The following MDGA2 variants were observed in gnomAD, a reference collection of about 807,000 sequenced individuals.
MDGA2 encodes the protein MAM domain containing glycosylphosphatidylinositol anchor 2.
A neutral mutation model predicts 117.8 loss-of-function variants in MDGA2; 40 were observed. The ratio of observed to expected loss-of-function variants is 0.34; its 90% CI spans 0.26 to 0.44. The LOEUF (loss-of-function observed/expected upper bound fraction) is 0.44, where lower values mean the gene tolerates loss of function less well. MDGA2 is among the 20% of genes least tolerant of loss of function. The pLI is 1.00. For missense variants in MDGA2, 1,123 were observed against 1,250.6 expected (o/e 0.90, Z 1.54); for synonymous variants, 452 against 439.0 (o/e 1.03, Z -0.37).
At chr14:46,929,601 GTATATATATATA>G (rs756528353) in intron 9 of MDGA2, among the ~76,000 whole-genome samples, 190 of 12,682 alleles carry the variant, frequency 0.015, 4 homozygotes, top group East Asian at 0.12. Context: ...GTGTGTGTGT[GTATATATATATA>G]TATATATATA....
In MDGA2 at chr14:47,121,007, T is replaced by C. The variant is rs185391354; in HGVS notation, c.925+10707A>G. Among the ~76,000 whole-genome samples the C allele has an allele frequency of 2.0e-5, 3 of 152,182 alleles. No individual in the cohort carries two copies. The East Asian group carries it at 5.8e-4, about 29-fold the overall frequency. On this transcript the variant is annotated intron_variant, in intron 5 of 16. Coordinates refer to ENST00000399232, the MANE Select transcript of MDGA2 (RefSeq NM_001113498.3). ...ATGAGTGTAGCTAACATCAGAAAAA[T>C]GTTTTGAAAGCATAAATATTTTAGC...
intron 2 of MDGA2, among the ~76,000 whole-genome samples, chr14:47,269,846 C>A (rs1888088937): frequency 1.3e-5 from 2 of 152,080 alleles, no homozygotes; most frequent in South Asian, 4.1e-4. Context: ...TTCTTAGATT[C>A]TTTCAACATA....
intron 8 of MDGA2, among the ~76,000 whole-genome samples, chr14:47,028,692 G>A (rs1888559292): frequency 2.0e-5 from 3 of 152,248 alleles, no homozygotes; most frequent in African/African-American, 7.2e-5. Context: ...ATAAACAGAA[G>A]AGGAGCATAA....
chr14:47,640,515 G>T (rs1897404327), intron 1 of MDGA2, among the ~76,000 whole-genome samples: 1 of 151,946 alleles, frequency 6.6e-6, no homozygotes, highest in Non-Finnish European at 1.5e-5. Flanking sequence ...CTAAAAATTT[G>T]TGGAGGGATT....
rs192661719 is a variant in MDGA2, at chr14:47,161,255, C to T, written c.596-16981G>A. ...CCATTACTTTTTAAAAAAATAATTA[C>T]GGCATTTTGAGCTGATTTTCCATTG... On this transcript the variant is annotated intron_variant, in intron 3 of 16. Coordinates refer to ENST00000399232, the MANE Select transcript of MDGA2 (RefSeq NM_001113498.3). Among the ~76,000 whole-genome samples, 305 of 151,996 alleles carry T rather than the reference C, an allele frequency of 2.0e-3. 1 individual carries two copies. Among genetic ancestry groups the T allele is most frequent in the Middle Eastern group, 3.5e-3 (1 of 286 alleles).
In MDGA2 at chr14:46,959,273, G is replaced by A. The variant is rs1244911031; in HGVS notation, c.1820-1630C>T. ...TATATGTGTGTGTGTGTGTGTGTGTGTGTGTGTGTGTGTGTGTGTGTGTGT... is the reference window on the plus strand; with the variant it reads ...TATATGTGTGTGTGTGTGTGTGTGTATGTGTGTGTGTGTGTGTGTGTGTGT... On this transcript the variant is annotated intron_variant, in intron 8 of 16. Transcript: ENST00000399232. Among the ~76,000 whole-genome samples the A allele has an allele frequency of 9.9e-3, 1,408 of 141,622 alleles. 39 individuals carry two copies. Among genetic ancestry groups the A allele is most frequent in the African/African-American group, 0.038 (1,310 of 34,924 alleles). The allele number at this position is 141,622 out of a possible 152,430, so 92.9% of individuals were successfully genotyped here.
At chr14:47,358,677 G>A (rs1041671152) in intron 1 of MDGA2, among the ~76,000 whole-genome samples, 2 of 152,078 alleles carry the variant, frequency 1.3e-5, no homozygotes, top group African/African-American at 4.8e-5. Context: ...AAAGACTTAT[G>A]CAAAAAATAA....
At chr14:47,417,306 C>T (rs1461188777) in intron 1 of MDGA2, among the ~76,000 whole-genome samples, 1 of 152,200 alleles carries the variant, frequency 6.6e-6, no homozygotes, top group African/African-American at 2.4e-5. Context: ...TACTTTGTCA[C>T]TCACAAATTC....
At chr14:47,140,993 T>C (rs1882693598) in intron 4 of MDGA2, among the ~76,000 whole-genome samples, 2 of 151,854 alleles carry the variant, frequency 1.3e-5, no homozygotes, top group South Asian at 4.2e-4. Context: ...AAGATGTAAA[T>C]AGACATTACT....
chr14:47,097,906 T>C (rs1880069214), intron 5 of MDGA2, among the ~76,000 whole-genome samples: 1 of 152,010 alleles, frequency 6.6e-6, no homozygotes, highest in Non-Finnish European at 1.5e-5. Context: ...ATTCATTCAG[T>C]AGAAAAAGCT....
chr14:47,175,041 A>G (rs1238786335), intron 3 of MDGA2, among the ~76,000 whole-genome samples: 1 of 152,098 alleles, frequency 6.6e-6, no homozygotes, highest in African/African-American at 2.4e-5. Context: ...ATAAACTAGA[A>G]AATCTAGAAG....
At chr14:47,345,348 G>C (rs1354266137) in intron 1 of MDGA2, among the ~76,000 whole-genome samples, 1 of 151,990 alleles carries the variant, frequency 6.6e-6, no homozygotes, top group Non-Finnish European at 1.5e-5. Flanking sequence ...AGGAAGGTAA[G>C]AATTACAATC....
At chr14:47,125,676 T>G (rs1271462053) in intron 5 of MDGA2, among the ~76,000 whole-genome samples, 1 of 152,062 alleles carries the variant, frequency 6.6e-6, no homozygotes, top group East Asian at 1.9e-4. Context: ...CCAGTAATAC[T>G]TTTATGGCTT....
chr14:47,092,435 G>T (rs527659500), intron 6 of MDGA2, among the ~76,000 whole-genome samples: 1 of 152,198 alleles, frequency 6.6e-6, no homozygotes, highest in South Asian at 2.1e-4. Context: ...GAAATCTCAA[G>T]CCATGATTCT....
At chr14:47,018,738 A>G (rs1185452452) in intron 8 of MDGA2, among the ~76,000 whole-genome samples, 2 of 83,276 alleles carry the variant, frequency 2.4e-5, no homozygotes, top group East Asian at 9.6e-4. Context: ...TTACTGAAAA[A>G]AAAAAAAAAA....
intron 8 of MDGA2, among the ~76,000 whole-genome samples, chr14:46,981,171 A>AGGC (rs1555340286): frequency 6.6e-6 from 1 of 150,902 alleles, no homozygotes; most frequent in African/African-American, 2.4e-5. Flanking sequence ...TGGGAGGCCA[A>AGGC]GGGGGGGGCG....
At chr14:47,590,723 G>C (rs1183534512) in intron 1 of MDGA2, among the ~76,000 whole-genome samples, 2 of 151,844 alleles carry the variant, frequency 1.3e-5, no homozygotes, top group African/African-American at 2.4e-5. Flanking sequence ...TGTGATTATT[G>C]TACATTGTAT....
At chr14:47,209,698 A>G (rs1185942972) in intron 3 of MDGA2, among the ~76,000 whole-genome samples, 1 of 152,194 alleles carries the variant, frequency 6.6e-6, no homozygotes, top group Non-Finnish European at 1.5e-5. Context: ...GATTGGTTGT[A>G]TGTCCCACTT....
At chr14:47,198,054 A>AT (rs11429936) in intron 3 of MDGA2, among the ~76,000 whole-genome samples, 33,283 of 151,848 alleles carry the variant, frequency 0.22, 4,134 homozygotes, top group East Asian at 0.33. Context: ...TAAAAAATGT[A>AT]TTTTTTTTAC....
Sources: allele counts gnomAD v4.1 joint callset (sites outside exome capture counted in the v4.1 genomes callset), GRCh38; gene constraint gnomAD v4.1.1; transcripts MANE v1.5; gene names NCBI Gene and HGNC (gene_info 2026-07-23, HGNC 2026-07-21).